RPS6KC1: variants seen among roughly 807,000 people sequenced by gnomAD.
RPS6KC1 encodes the protein inactive ribosomal protein S6 kinase delta-1.
RPS6KC1 carries 54 observed loss-of-function variants against 103.8 expected under a neutral mutation model. That is an observed-to-expected ratio of 0.52 (90% CI 0.42 to 0.65). The LOEUF is 0.65. RPS6KC1 is among the 30% of genes least tolerant of loss of function. The pLI is 0.00. For missense variants in RPS6KC1, 1,151 were observed against 1,253.8 expected, an observed-to-expected ratio of 0.92 and a Z score of 1.24; for synonymous variants, 439 against 438.7, an observed-to-expected ratio of 1.00 and a Z score of -0.01.
the RPS6KC1 span, among the ~76,000 whole-genome samples, chr1:213,514,760 G>A: frequency 3.8e-4 from 58 of 152,298 alleles, no homozygotes; most frequent in African/African-American, 1.4e-3. Flanking sequence ...TGGGATGGCT[G>A]GGTCAAATGG....
chr1:213,193,143 C>T (rs1296468854), intron 8 of RPS6KC1, among the ~76,000 whole-genome samples: 1 of 151,892 alleles, frequency 6.6e-6, no homozygotes, highest in African/African-American at 2.4e-5. Flanking sequence ...GAAAATGATC[C>T]ACGTGCTGAG....
chr1:213,376,450 C>G, the RPS6KC1 span, among the ~76,000 whole-genome samples: 1 of 151,580 alleles, frequency 6.6e-6, no homozygotes, highest in South Asian at 2.1e-4. Flanking sequence ...AAAATTTCAG[C>G]TATCATGAGT....
the RPS6KC1 span, among the ~76,000 whole-genome samples, chr1:213,572,807 G>A: frequency 6.6e-6 from 1 of 152,080 alleles, no homozygotes; most frequent in African/African-American, 2.4e-5. Context: ...ATAAAAATTG[G>A]GATTAGTGAG....
chr1:213,066,951 C>T (rs184615785), intron 1 of RPS6KC1, among the ~76,000 whole-genome samples: 11 of 152,302 alleles, frequency 7.2e-5, no homozygotes, highest in Non-Finnish European at 5.9e-5. Flanking sequence ...TCTTCAAAGT[C>T]ACCCCTCGGC....
chr1:213,596,852 C>T, the RPS6KC1 span, among the ~76,000 whole-genome samples: 1 of 152,184 alleles, frequency 6.6e-6, no homozygotes, highest in African/African-American at 2.4e-5. Flanking sequence ...AGATACATAT[C>T]GAGTAAAACA....
chr1:213,208,444 A>G (rs1006553898), intron 8 of RPS6KC1, among the ~76,000 whole-genome samples: 15 of 152,194 alleles, frequency 9.9e-5, no homozygotes, highest in Non-Finnish European at 2.1e-4. Flanking sequence ...CTGGTGTTCT[A>G]TAATTTCACA....
chr1:213,391,478 G>A, the RPS6KC1 span, among the ~76,000 whole-genome samples: 9 of 152,170 alleles, frequency 5.9e-5, no homozygotes, highest in Non-Finnish European at 1.0e-4. Context: ...CAGACCTTGG[G>A]TGACTAGCTT....
the RPS6KC1 span, among the ~76,000 whole-genome samples, chr1:213,734,673 G>C: frequency 6.6e-6 from 1 of 152,194 alleles, no homozygotes; most frequent in South Asian, 2.1e-4. Context: ...AAAGATGGCT[G>C]GCCAGGCCCA....
the RPS6KC1 span, among the ~76,000 whole-genome samples, chr1:213,643,022 T>C: frequency 6.6e-6 from 1 of 151,930 alleles, no homozygotes; most frequent in Non-Finnish European, 1.5e-5. Flanking sequence ...TTTTATTTCA[T>C]TGGTGTTTTC....
the RPS6KC1 span, among the ~76,000 whole-genome samples, chr1:213,664,194 G>GGGGGGGC: frequency 6.9e-6 from 1 of 144,358 alleles, no homozygotes; most frequent in Non-Finnish European, 1.5e-5. Context: ...GAAATGAGCG[G>GGGGGGGC]GGGGGCGGGG....
chr1:213,609,472 C>T, the RPS6KC1 span, among the ~76,000 whole-genome samples: 30 of 152,218 alleles, frequency 2.0e-4, no homozygotes, highest in South Asian at 4.8e-3. Context: ...TGCAAACAGC[C>T]CCTTCTTGGC....
chr1:213,071,340 G>A (rs1005524097), intron 2 of RPS6KC1, among the ~76,000 whole-genome samples: 4 of 152,102 alleles, frequency 2.6e-5, no homozygotes, highest in Non-Finnish European at 5.9e-5. Flanking sequence ...CGTTGGCCAG[G>A]CTGGTCTCGA....
At chr1:213,719,340 C>G in the RPS6KC1 span, among the ~76,000 whole-genome samples, 1 of 152,264 alleles carries the variant, frequency 6.6e-6, no homozygotes, top group Middle Eastern at 3.4e-3. Flanking sequence ...GGGTCATGTA[C>G]TCTCAAAGTG....
chr1:213,459,133 G>A, the RPS6KC1 span, among the ~76,000 whole-genome samples: 1 of 152,188 alleles, frequency 6.6e-6, no homozygotes, highest in Non-Finnish European at 1.5e-5. Flanking sequence ...ATGGGTTAGG[G>A]AGGAGTCTCT....
At chr1:213,450,447 A>T in the RPS6KC1 span, among the ~76,000 whole-genome samples, 2 of 151,904 alleles carry the variant, frequency 1.3e-5, no homozygotes, top group Non-Finnish European at 2.9e-5. Context: ...GAACTAATCC[A>T]AGTGGAATGC....
At chr1:213,795,250 C>G in the RPS6KC1 span, among the ~76,000 whole-genome samples, 3 of 152,312 alleles carry the variant, frequency 2.0e-5, no homozygotes, top group East Asian at 5.8e-4. Context: ...AACATCTACC[C>G]TATGCCAGCT....
chr1:213,142,028 A>G (rs2087111830), intron 6 of RPS6KC1, among the ~76,000 whole-genome samples: 2 of 151,978 alleles, frequency 1.3e-5, no homozygotes, highest in Admixed American at 6.6e-5. Flanking sequence ...GGTCTCTATG[A>G]ACTTGTTTCG....
the RPS6KC1 span, among the ~76,000 whole-genome samples, chr1:213,546,785 T>C: frequency 6.6e-6 from 1 of 152,218 alleles, no homozygotes; most frequent in African/African-American, 2.4e-5. Context: ...GTTTTTAACA[T>C]TTTGCCTCAG....
the RPS6KC1 span, among the ~76,000 whole-genome samples, chr1:213,644,862 A>T: frequency 6.6e-6 from 1 of 152,260 alleles, no homozygotes. Context: ...GAGTTATCAA[A>T]CCTTTTGATT....
Sources: allele counts gnomAD v4.1 joint callset (sites outside exome capture counted in the v4.1 genomes callset), GRCh38; gene constraint gnomAD v4.1.1; transcripts MANE v1.5; gene names NCBI Gene and HGNC (gene_info 2026-07-23, HGNC 2026-07-21).